The following EBF1 variants were observed in gnomAD, a reference collection of about 807,000 sequenced individuals.
EBF1 encodes EBF transcription factor 1.
In EBF1, 10 loss-of-function variants were observed where a neutral mutation model predicts 68.4. That is an observed-to-expected ratio of 0.15 (90% CI 0.09 to 0.25). The LOEUF (loss-of-function observed/expected upper bound fraction) is 0.25. EBF1 is among the 10% of genes least tolerant of loss of function. The pLI is 1.00. For missense variants in EBF1, 509 were observed against 794.4 expected (o/e 0.64, Z 4.32); for synonymous variants, 298 against 299.8 (o/e 0.99, Z 0.06).
At chr5:158,790,599 A>C (rs1778401959) in intron 9 of EBF1, among the ~76,000 whole-genome samples, 1 of 152,196 alleles carries the variant, frequency 6.6e-6, no homozygotes, top group Admixed American at 6.5e-5. Context: ...CGTTGTGCAA[A>C]GCCCTAGAAG....
At chr5:158,856,981 AAAAAC>A (rs140503962) in intron 6 of EBF1, among the ~76,000 whole-genome samples, 23,115 of 151,956 alleles carry the variant, frequency 0.15, 1,799 homozygotes, top group Non-Finnish European at 0.18. Context: ...AAAAGCGAGA[AAAAAC>A]AAAACAAAAC....
intron 8 of EBF1, among the ~76,000 whole-genome samples, chr5:158,821,025 C>T (rs1288609503): frequency 1.3e-5 from 2 of 152,182 alleles, no homozygotes; most frequent in African/African-American, 2.4e-5. Flanking sequence ...CTTGGGCTCT[C>T]ATTCCCCTTA....
Position 158,713,081 on chromosome 5 carries a change from G to T in EBF1, c.1258C>A (p.Gln420Lys). 1 of 1,599,392 alleles carries T rather than the reference G, an allele frequency of 6.3e-7. No individual in the cohort carries two copies. The highest frequency in any genetic ancestry group is 8.5e-7 in the Non-Finnish European group (1 of 1,171,684). Residue 420 changes from glutamine to lysine, a missense_variant, in exon 13 of 16, where the codon CAA (glutamine) becomes AAA (lysine). Gln to Lys is a moderately conservative substitution (Grantham distance 53). Coordinates refer to ENST00000313708, the MANE Select transcript of EBF1 (RefSeq NM_024007.5). The stretch of plus-strand genomic sequence containing the variant: ...GAGGTGTTAGCAAGGGCCGGGAGTT[G>T]GTTGTGGTTGCGGGGAACACTGTAC... The part of the protein sequence containing the change: ...ALYSVPRNHN[Q>K]LPALANTSVH...
At chr5:158,723,173 G>A (rs139469471) in intron 11 of EBF1, among the ~76,000 whole-genome samples, 76 of 152,268 alleles carry the variant, frequency 5.0e-4, no homozygotes, top group African/African-American at 1.7e-3. Flanking sequence ...TCTTCCTGCC[G>A]CTTCCACCTA....
rs149746492 is a variant in EBF1 at position 158,864,889 on chromosome 5, A to G, written c.555-24779T>C. Among the ~76,000 whole-genome samples, 367 of 152,288 alleles carry G rather than the reference A, an allele frequency of 2.4e-3. 2 individuals carry two copies. The highest frequency in any genetic ancestry group is 8.1e-3 in the African/African-American group (336 of 41,560). The stretch of plus-strand genomic sequence containing the variant: ...GTTCCAGGAGAGGCAGGATCATTCT[A>G]TCTCTAACAGAGAGCAGCCCGTCAC... On this transcript the variant is annotated intron_variant, in intron 6 of 15. Coordinates refer to ENST00000313708, the MANE Select transcript of EBF1 (RefSeq NM_024007.5).
intron 10 of EBF1, among the ~76,000 whole-genome samples, chr5:158,742,934 T>G (rs936816505): frequency 6.6e-6 from 1 of 152,172 alleles, no homozygotes; most frequent in South Asian, 2.1e-4. Context: ...TAAATAAAAT[T>G]GCAGGCTTGC....
chr5:158,896,924 G>A (rs1225151987), intron 6 of EBF1, among the ~76,000 whole-genome samples: 1 of 151,464 alleles, frequency 6.6e-6, no homozygotes, highest in Non-Finnish European at 1.5e-5. Flanking sequence ...TTTCAGAGAT[G>A]TGCCCAGTTC....
At chr5:158,710,910 G>C (rs753202015) in intron 14 of EBF1, among the ~76,000 whole-genome samples, 1 of 152,106 alleles carries the variant, frequency 6.6e-6, no homozygotes, top group East Asian at 1.9e-4. Context: ...AGAGTCACTC[G>C]CAATGTCCAA....
chr5:159,096,738 T>C, intron 2 of EBF1: 1 of 627,058 alleles, frequency 1.6e-6, no homozygotes. Flanking sequence ...GGCTGTGGAT[T>C]GTAGAGCCAG....
intron 6 of EBF1, among the ~76,000 whole-genome samples, chr5:158,951,321 C>A (rs1306837237): frequency 1.3e-5 from 2 of 152,176 alleles, no homozygotes; most frequent in Non-Finnish European, 2.9e-5. Context: ...TAGCATTTCC[C>A]AAATGAGAGA....
chr5:158,982,145 A>G (rs1758024983), intron 6 of EBF1, among the ~76,000 whole-genome samples: 1 of 152,234 alleles, frequency 6.6e-6, no homozygotes, highest in African/African-American at 2.4e-5. Context: ...GAAACTCTGT[A>G]AAAAAGGTAG....
At chr5:159,011,859 G>A (rs867477407) in intron 6 of EBF1, among the ~76,000 whole-genome samples, 4 of 152,210 alleles carry the variant, frequency 2.6e-5, no homozygotes, top group Non-Finnish European at 4.4e-5. Context: ...TAAATCTTGC[G>A]CTTTAATGTG....
chr5:158,861,214 A>G (rs1055448595), intron 6 of EBF1, among the ~76,000 whole-genome samples: 1 of 152,182 alleles, frequency 6.6e-6, no homozygotes, highest in Non-Finnish European at 1.5e-5. Flanking sequence ...AAAATAAAGG[A>G]ACTGGAAGGT....
At chr5:159,058,742 T>G (rs1233808761) in intron 6 of EBF1, among the ~76,000 whole-genome samples, 1 of 152,214 alleles carries the variant, frequency 6.6e-6, no homozygotes, top group Non-Finnish European at 1.5e-5. Flanking sequence ...CTTAGTAATA[T>G]TCAGCTGCAG....
chr5:158,704,683 C>G (rs1392247550), intron 15 of EBF1, among the ~76,000 whole-genome samples: 2 of 150,604 alleles, frequency 1.3e-5, no homozygotes, highest in African/African-American at 4.9e-5. Flanking sequence ...AAGTAATTCT[C>G]TGAATGTCAC....
At chr5:158,817,925 C>T (rs921908388) in intron 8 of EBF1, among the ~76,000 whole-genome samples, 5 of 152,214 alleles carry the variant, frequency 3.3e-5, no homozygotes, top group African/African-American at 7.2e-5. Flanking sequence ...GCTGGAGATC[C>T]AGAGGAAGGG....
chr5:158,867,076 T>C (rs966239851), intron 6 of EBF1, among the ~76,000 whole-genome samples: 2 of 151,912 alleles, frequency 1.3e-5, no homozygotes, highest in Non-Finnish European at 2.9e-5. Flanking sequence ...CTAGGAACCA[T>C]GACAGTCCCA....
At chr5:158,792,694 G>A (rs1042527207) in intron 9 of EBF1, among the ~76,000 whole-genome samples, 1 of 152,166 alleles carries the variant, frequency 6.6e-6, no homozygotes, top group Non-Finnish European at 1.5e-5. Flanking sequence ...CATGTGGTCT[G>A]GGGCAAAGAC....
chr5:158,935,529 A>G (rs1811825264), intron 6 of EBF1, among the ~76,000 whole-genome samples: 1 of 152,208 alleles, frequency 6.6e-6, no homozygotes, highest in African/African-American at 2.4e-5. Flanking sequence ...GCACACACAG[A>G]TACATACAAA....
Sources: gnomAD v4.1 joint callset for allele counts (sites outside exome capture counted in the v4.1 genomes callset) on GRCh38, gnomAD v4.1.1 for gene constraint, MANE v1.5 for transcripts, NCBI Gene and HGNC (gene_info 2026-07-23, HGNC 2026-07-21) for gene names.